SDK2: variants seen among roughly 807,000 people sequenced by gnomAD.
The protein encoded by SDK2 is protein sidekick-2.
In SDK2, 105 loss-of-function variants were observed where a neutral mutation model predicts 253.9. The ratio of observed to expected loss-of-function variants is 0.41; its 90% CI spans 0.35 to 0.49. SDK2 has a LOEUF of 0.49. SDK2 is among the 20% of genes least tolerant of loss of function. SDK2 has a pLI of 0.06. For synonymous variants in SDK2, 1,249 were observed against 1,234.9 expected, an observed-to-expected ratio of 1.01 and a Z score of -0.24; for missense variants, 2,608 against 3,003.0, an observed-to-expected ratio of 0.87 and a Z score of 3.07.
chr17:73,523,757 C>T (rs2064102854), intron 1 of SDK2, among the ~76,000 whole-genome samples: 1 of 152,002 alleles, frequency 6.6e-6, no homozygotes, highest in Admixed American at 6.6e-5. Context: ...GCAAATGGAA[C>T]CACCCCCTCA....
At chr17:73,375,266 C>G (rs62072074) in intron 36 of SDK2, among the ~76,000 whole-genome samples, 2 of 104,360 alleles carry the variant, frequency 1.9e-5, no homozygotes, top group South Asian at 3.9e-4. Context: ...TTTTTTGAGA[C>G]AGTCTTGATC....
At chr17:73,556,314 G>A (rs922996539) in intron 1 of SDK2, among the ~76,000 whole-genome samples, 1 of 148,274 alleles carries the variant, frequency 6.7e-6, no homozygotes, top group Non-Finnish European at 1.5e-5. Context: ...TTTTACCTTC[G>A]GAGTTTGGGT....
intron 18 of SDK2, among the ~76,000 whole-genome samples, chr17:73,411,335 G>A (rs1455161694): frequency 6.6e-6 from 1 of 152,162 alleles, no homozygotes; most frequent in Non-Finnish European, 1.5e-5. Flanking sequence ...AGGAAGAACC[G>A]CTAAGGCAGC....
At chr17:73,596,127 C>A (rs1008482584) in intron 1 of SDK2, among the ~76,000 whole-genome samples, 1 of 152,312 alleles carries the variant, frequency 6.6e-6, no homozygotes, top group East Asian at 1.9e-4. Context: ...GGAGTCCCAG[C>A]TGCAGGTGGT....
chr17:73,457,737 G>C (rs2063538758), intron 3 of SDK2, among the ~76,000 whole-genome samples: 2 of 152,022 alleles, frequency 1.3e-5, no homozygotes, highest in African/African-American at 2.4e-5. Flanking sequence ...GCTGACTTTA[G>C]GCCTTTGTTT....
chr17:73,589,159 C>T (rs1447199342), intron 1 of SDK2, among the ~76,000 whole-genome samples: 1 of 152,266 alleles, frequency 6.6e-6, no homozygotes, highest in Admixed American at 6.5e-5. Flanking sequence ...CTGTATGCTC[C>T]TCCCTAAGCC....
At chr17:73,382,858 GACAACAACAACA>G (rs1335456139) in intron 33 of SDK2, among the ~76,000 whole-genome samples, 3 of 142,826 alleles carry the variant, frequency 2.1e-5, no homozygotes, top group Admixed American at 6.8e-5. Context: ...CAACAACAAC[GACAACAACAACA>G]ACGACAACAT....
chr17:73,613,915 G>A (rs2046013430), intron 1 of SDK2, among the ~76,000 whole-genome samples: 1 of 152,220 alleles, frequency 6.6e-6, no homozygotes. Context: ...GCAGTCAAAG[G>A]ACCAGTGCTC....
At chr17:73,363,456 A>C (rs1373592392) in intron 38 of SDK2, among the ~76,000 whole-genome samples, 1 of 152,078 alleles carries the variant, frequency 6.6e-6, no homozygotes, top group Non-Finnish European at 1.5e-5. Flanking sequence ...AGGAACAGGG[A>C]CTCTGGCTAC....
chr17:73,469,981 T>TGTGCGC (rs1555585109), intron 3 of SDK2, among the ~76,000 whole-genome samples: 1 of 129,622 alleles, frequency 7.7e-6, no homozygotes, highest in South Asian at 2.7e-4. Flanking sequence ...CATTTGCGAC[T>TGTGCGC]GCGCGCGCGC....
intron 32 of SDK2, among the ~76,000 whole-genome samples, chr17:73,384,461 G>A (rs1411196424): frequency 6.6e-6 from 1 of 152,178 alleles, no homozygotes; most frequent in Non-Finnish European, 1.5e-5. Context: ...TGCAAGCTGA[G>A]CCCTCTCCTA....
rs1343844816 is a variant in SDK2, at chr17:73,639,998, CCTT to C, written c.64+4024_64+4026del. Among the ~76,000 whole-genome samples, 4 of 152,202 alleles carry C rather than the reference CCTT, an allele frequency of 2.6e-5. No individual in the cohort carries two copies. The East Asian group carries it at 7.7e-4, about 29-fold the overall frequency. Reference sequence around the variant, plus strand: ...ACAGAAGATAAGCCCATTCTCCCCTCCTTGTTAGCTTACAGCCCGACTGCGTCC... The same window carrying C: ...ACAGAAGATAAGCCCATTCTCCCCTCGTTAGCTTACAGCCCGACTGCGTCC... On this transcript the variant is annotated intron_variant, in intron 1 of 44. Coordinates refer to ENST00000392650, the MANE Select transcript of SDK2 (RefSeq NM_001144952.2). The surrounding 1 kb of genome is among the most constrained non-coding windows in gnomAD (Gnocchi z 4.3).
intron 18 of SDK2, among the ~76,000 whole-genome samples, chr17:73,412,553 G>C (rs2063148167): frequency 6.6e-6 from 1 of 152,134 alleles, no homozygotes; most frequent in African/African-American, 2.4e-5. Flanking sequence ...AGACAGAATT[G>C]TTAAAGAGGT....
intron 1 of SDK2, chr17:73,521,501 G>C (rs1312857205): frequency 6.6e-6 from 1 of 152,236 alleles, no homozygotes; most frequent in Non-Finnish European, 1.5e-5. Context: ...TCCAGGTGCT[G>C]TGCTCCTTCC....
chr17:73,592,028 G>C (rs1315304408), intron 1 of SDK2, among the ~76,000 whole-genome samples: 1 of 152,222 alleles, frequency 6.6e-6, no homozygotes, highest in African/African-American at 2.4e-5. Flanking sequence ...CCACATGAGG[G>C]GGGAGTTGAT....
chr17:73,601,577 C>T (rs545560306), intron 1 of SDK2, among the ~76,000 whole-genome samples: 93 of 152,188 alleles, frequency 6.1e-4, no homozygotes, highest in Non-Finnish European at 8.7e-4. Flanking sequence ...CGAGGGACAA[C>T]GGAGGCAGAG....
Position 73,462,950 on chromosome 17 carries a change from C to A in SDK2, c.332-6897G>T, listed in dbSNP as rs556646375. Among the ~76,000 whole-genome samples the A allele has an allele frequency of 1.6e-4, 25 of 152,268 alleles. No homozygotes were observed. In the South Asian group the frequency reaches 5.0e-3, roughly 30 times the overall value. On this transcript the variant is annotated intron_variant, in intron 3 of 44. Coordinates refer to ENST00000392650, the MANE Select transcript of SDK2 (RefSeq NM_001144952.2). ...ATACATACATATGTGTGTGTGTATGCCCCACCCACACAGCCATGTATGCAC... is the reference window on the plus strand; with the variant it reads ...ATACATACATATGTGTGTGTGTATGACCCACCCACACAGCCATGTATGCAC...
In SDK2 at chr17:73,483,521, G is replaced by GTATA. The variant is rs146888812; in HGVS notation, c.225-11307_225-11304dup. 1.7e-4 allele frequency among the ~76,000 whole-genome samples: 23 copies of GTATA among 134,552 alleles called. No individual in the cohort carries two copies. In the East Asian group the frequency reaches 1.9e-3, roughly 11 times the overall value. The allele number at this position is 134,552 out of a possible 152,430, so 88.3% of individuals were successfully genotyped here. A position where few individuals can be genotyped will look rare whatever the true frequency, so the allele number is the denominator to read the frequency against. Reference sequence around the variant, plus strand: ...TGTGTGTGTGTGTGTATGTGTGTGTGTATATATATATGTATGTATATATGT... The same window carrying GTATA: ...TGTGTGTGTGTGTGTATGTGTGTGTGTATATATATATATATGTATGTATATATGT... On this transcript the variant is annotated intron_variant, in intron 2 of 44. Coordinates refer to ENST00000392650, the MANE Select transcript of SDK2 (RefSeq NM_001144952.2).
At chr17:73,559,777 G>A (rs1041661291) in intron 1 of SDK2, among the ~76,000 whole-genome samples, 1 of 152,130 alleles carries the variant, frequency 6.6e-6, no homozygotes, top group African/African-American at 2.4e-5. Context: ...TGCCCCTAAT[G>A]CCTGTGCTCC....
Sources: gnomAD v4.1 joint callset for allele counts (sites outside exome capture counted in the v4.1 genomes callset) on GRCh38, gnomAD v4.1.1 for gene constraint, Gnocchi (gnomAD v3.1) non-coding constraint, MANE v1.5 for transcripts, NCBI Gene and HGNC (gene_info 2026-07-23, HGNC 2026-07-21) for gene names.